Variants in CCNJL observed in about 807,000 individuals in gnomAD.
CCNJL encodes the protein cyclin-J-like protein.
In CCNJL, 33 loss-of-function variants were observed where a neutral mutation model predicts 33.4. The ratio of observed to expected loss-of-function variants is 0.99; its 90% CI spans 0.75 to 1.32. The LOEUF is 1.32. Among genes scored for constraint, CCNJL ranks in the 40% most tolerant of loss-of-function variants. The probability of loss-of-function intolerance (pLI) is 0.00; values close to 1 mark genes in which losing one functional copy is unlikely to be tolerated. For synonymous variants in CCNJL, 227 were observed against 220.9 expected, an observed-to-expected ratio of 1.03 and a Z score of -0.24; for missense variants, 512 against 499.7, an observed-to-expected ratio of 1.02 and a Z score of -0.23.
Position 160,250,389 on chromosome 5 carries a change from C to T in CCNJL, c.*2989G>A, listed in dbSNP as rs1052275134. ...CACACAGCGGGTGGTGAGCACTGCC[C>T]TCAGCCCCGCCCTTGGCGGTGTCAA... is the stretch of plus-strand genomic sequence containing the variant. On this transcript the variant is annotated 3_prime_UTR_variant, in exon 6 of 6. Coordinates refer to ENST00000257536, the MANE Select transcript of CCNJL (RefSeq NM_001308173.3). The T allele has an allele frequency of 1.3e-5, 2 of 152,276 alleles. No individual in the cohort carries two copies. The highest frequency in any genetic ancestry group is 4.8e-5 in the African/African-American group (2 of 41,464). 9.4% of individuals were successfully genotyped at this position (152,276 alleles called of 1,614,324 possible).
chr5:160,322,839 G>A lies in CCNJL; in HGVS notation n.207-7334C>T, dbSNP rs578071977. The stretch of plus-strand genomic sequence containing the variant: ...CAGAGGAATCGCTTGAAACAGGCAG[G>A]CAGAGGGAGGACGCAGTGAGCCGAG... On this transcript the variant is annotated intron_variant and non_coding_transcript_variant, in intron 1 of 7. Coordinates refer to the CCNJL transcript ENST00000377503. Among the ~76,000 whole-genome samples, 4 of 152,012 alleles carry A rather than the reference G, an allele frequency of 2.6e-5. No homozygotes were observed. The South Asian group carries it at 8.3e-4, about 32-fold the overall frequency.
At chr5:160,307,765 G>A (rs1172629964) in intron 2 of CCNJL, among the ~76,000 whole-genome samples, 3 of 152,120 alleles carry the variant, frequency 2.0e-5, no homozygotes, top group Non-Finnish European at 4.4e-5. Flanking sequence ...AAGGGAGCGG[G>A]GTCCTAGGTG....
intron 1 of CCNJL, among the ~76,000 whole-genome samples, chr5:160,321,014 CTTTCTTTCTTTCTTTCTT>C (rs1319411007): frequency 0.064 from 2,285 of 35,896 alleles, 134 homozygotes; most frequent in South Asian, 0.099. Flanking sequence ...CTCTCTCTCT[CTTTCTTTCTTTCTTTCTT>C]TCTTTCTTTC....
intron 1 of CCNJL, among the ~76,000 whole-genome samples, chr5:160,320,715 T>C (rs1298447397): frequency 6.6e-6 from 1 of 152,232 alleles, no homozygotes. Flanking sequence ...AAAGAGGAAA[T>C]TGAGATATCT....
At chr5:160,335,700 T>C (rs1312115083) in intron 1 of CCNJL, among the ~76,000 whole-genome samples, 17 of 152,070 alleles carry the variant, frequency 1.1e-4, no homozygotes, top group Non-Finnish European at 4.4e-5. Flanking sequence ...GCCTCTCAGA[T>C]AGCTGGGACT....
chr5:160,309,946 T>C (rs1036466751), intron 2 of CCNJL, among the ~76,000 whole-genome samples: 5 of 152,216 alleles, frequency 3.3e-5, no homozygotes, highest in Non-Finnish European at 7.3e-5. Context: ...GACATGGCTA[T>C]AGCAGTTCAT....
intron 1 of CCNJL, chr5:160,327,071 C>A: frequency 3.0e-6 from 1 of 337,570 alleles, no homozygotes; most frequent in Non-Finnish European, 5.7e-6. Flanking sequence ...TTTTGATTAC[C>A]CTTATGTTAT....
chr5:160,253,337 G>A lies in CCNJL; in HGVS notation c.*41C>T, dbSNP rs1760891237. The A allele has an allele frequency of 6.5e-7, 1 of 1,532,210 alleles. No individual in the cohort carries two copies. Among genetic ancestry groups the A allele is most frequent in the Non-Finnish European group, 8.8e-7 (1 of 1,136,376 alleles). 94.9% of individuals were successfully genotyped at this position (1,532,210 alleles called of 1,614,324 possible). On this transcript the variant is annotated 3_prime_UTR_variant, in exon 6 of 6. Coordinates refer to ENST00000257536, the MANE Select transcript of CCNJL (RefSeq NM_001308173.3). Reference sequence around the variant, plus strand: ...CTCCTCTTCAGTGTCCTCTTCCTCTGCCCACATCTCCAAGGCTTCCTCGTG... The same window carrying A: ...CTCCTCTTCAGTGTCCTCTTCCTCTACCCACATCTCCAAGGCTTCCTCGTG...
chr5:160,306,044 C>T (rs1053201819), intron 2 of CCNJL, among the ~76,000 whole-genome samples: 2 of 152,098 alleles, frequency 1.3e-5, no homozygotes, highest in Non-Finnish European at 2.9e-5. Context: ...GAGGCCAAGG[C>T]GGGCGGATCA....
intron 3 of CCNJL, among the ~76,000 whole-genome samples, chr5:160,274,358 C>T (rs979261811): frequency 2.6e-5 from 4 of 151,938 alleles, no homozygotes; most frequent in African/African-American, 9.7e-5. Flanking sequence ...ACTCAGGAGG[C>T]TGAAGCACGA....
chr5:160,316,723 G>A (rs535868379), upstream of CCNJL, among the ~76,000 whole-genome samples: 1 of 152,270 alleles, frequency 6.6e-6, no homozygotes, highest in Non-Finnish European at 1.5e-5. Context: ...ACACATCCTT[G>A]TGTGCCTTAC....
At chr5:160,290,808 A>G (rs1457709071) in intron 2 of CCNJL, among the ~76,000 whole-genome samples, 1 of 152,156 alleles carries the variant, frequency 6.6e-6, no homozygotes, top group East Asian at 1.9e-4. Flanking sequence ...GCAAATACTT[A>G]AACAGGTGAG....
chr5:160,253,618 G>A lies in CCNJL; in HGVS notation c.924C>T (p.Ala308=). 4 of 1,613,556 alleles carry A rather than the reference G, an allele frequency of 2.5e-6. No homozygotes were observed. Among genetic ancestry groups the A allele is most frequent in the Non-Finnish European group, 3.4e-6 (4 of 1,179,762 alleles). Residue 308 remains alanine, a synonymous_variant, in exon 6 of 6, where the codon GCC becomes GCT. Transcript: ENST00000257536. ...GGTGGGCCTGCAAGGAGTCCCGATAGGCCAAGCATAGGTCCTGCACGGGGG... is the reference window on the plus strand; with the variant it reads ...GGTGGGCCTGCAAGGAGTCCCGATAAGCCAAGCATAGGTCCTGCACGGGGG... The part of the protein sequence containing the change: ...FQTPVQDLCL[A]YRDSLQAHRS...
At chr5:160,321,912 C>G (rs896300179) in intron 1 of CCNJL, among the ~76,000 whole-genome samples, 1 of 152,200 alleles carries the variant, frequency 6.6e-6, no homozygotes, top group South Asian at 2.1e-4. Flanking sequence ...AACCCTGCCC[C>G]CTACCAGCAG....
chr5:160,313,258 A>C (rs896448985), upstream of CCNJL, among the ~76,000 whole-genome samples: 3 of 152,192 alleles, frequency 2.0e-5, no homozygotes, highest in Admixed American at 6.5e-5. Flanking sequence ...ATGGCATAGC[A>C]TTGGGCTATC....
At chr5:160,321,690 C>A (rs1223137157) in intron 1 of CCNJL, among the ~76,000 whole-genome samples, 1 of 152,024 alleles carries the variant, frequency 6.6e-6, no homozygotes, top group African/African-American at 2.4e-5. Context: ...GCCTGTAATC[C>A]CAGCACTTTG....
intron 1 of CCNJL, among the ~76,000 whole-genome samples, chr5:160,333,591 C>CA (rs565928049): frequency 0.14 from 17,410 of 128,284 alleles, 1,582 homozygotes; most frequent in African/African-American, 0.28. Flanking sequence ...ACCCTGTCTC[C>CA]AAAAAAAAAA....
chr5:160,335,487 T>G (rs1561816468), intron 1 of CCNJL, among the ~76,000 whole-genome samples: 1 of 152,184 alleles, frequency 6.6e-6, no homozygotes, highest in African/African-American at 2.4e-5. Flanking sequence ...AAATGCTCTT[T>G]CAAGGTCTCT....
intron 3 of CCNJL, among the ~76,000 whole-genome samples, chr5:160,275,018 TC>T (rs1423770304): frequency 6.6e-6 from 1 of 151,818 alleles, no homozygotes; most frequent in East Asian, 1.9e-4. Flanking sequence ...TGATTCATTT[TC>T]CCCCCATAAA....
Sources: gnomAD v4.1 joint callset for allele counts (sites outside exome capture counted in the v4.1 genomes callset) on GRCh38, gnomAD v4.1.1 for gene constraint, MANE v1.5 for transcripts, NCBI Gene and HGNC (gene_info 2026-07-23, HGNC 2026-07-21) for gene names.